The following DSCAM variants were observed in gnomAD, a reference collection of about 807,000 sequenced individuals.
DSCAM encodes the protein cell adhesion molecule DSCAM.
DSCAM carries 47 observed loss-of-function variants against 217.7 expected under a neutral mutation model. The ratio of observed to expected loss-of-function variants is 0.22; its 90% CI spans 0.17 to 0.28. The LOEUF is 0.28. Ranked by LOEUF, DSCAM falls within the 10% of genes least tolerant of loss-of-function variation. The probability of loss-of-function intolerance (pLI) is 1.00; values close to 1 mark genes in which losing one functional copy is unlikely to be tolerated. For synonymous variants in DSCAM, 1,056 were observed against 1,015.3 expected (o/e 1.04, Z -0.76); for missense variants, 2,080 against 2,618.3 (o/e 0.79, Z 4.49).
intron 3 of DSCAM, among the ~76,000 whole-genome samples, chr21:40,378,554 A>ATTTTTTTTTTT (rs71186931): frequency 1.3e-5 from 1 of 75,712 alleles, no homozygotes; most frequent in Non-Finnish European, 2.5e-5. Context: ...ATGAAAACTT[A>ATTTTTTTTTTT]TTTTTTTTTT....
chr21:40,602,472 G>C (rs1213618337), intron 3 of DSCAM, among the ~76,000 whole-genome samples: 1 of 152,022 alleles, frequency 6.6e-6, no homozygotes, highest in African/African-American at 2.4e-5. Context: ...TTTTTTGGAA[G>C]GTTATTAATT....
At chr21:40,208,506 G>A (rs1483649869) in intron 11 of DSCAM, among the ~76,000 whole-genome samples, 4 of 152,136 alleles carry the variant, frequency 2.6e-5, no homozygotes, top group Admixed American at 1.3e-4. Context: ...AAGGGTTTTC[G>A]GTTGAGCATG....
chr21:40,412,563 G>A (rs2075332853), intron 3 of DSCAM, among the ~76,000 whole-genome samples: 1 of 152,160 alleles, frequency 6.6e-6, no homozygotes, highest in African/African-American at 2.4e-5. Flanking sequence ...GTGGAACTTT[G>A]AACTTGACAG....
intron 30 of DSCAM, among the ~76,000 whole-genome samples, chr21:40,044,864 C>G (rs1048100914): frequency 6.6e-6 from 1 of 152,208 alleles, no homozygotes; most frequent in Non-Finnish European, 1.5e-5. Flanking sequence ...TTTCTACATC[C>G]TTAGGTGTTG....
intron 3 of DSCAM, among the ~76,000 whole-genome samples, chr21:40,410,994 GA>G (rs1417131716): frequency 6.6e-6 from 1 of 151,996 alleles, no homozygotes; most frequent in Non-Finnish European, 1.5e-5. Flanking sequence ...ATCTTTAAAA[GA>G]TAATTAACCA....
At position 40,524,917 on chromosome 21, in the gene DSCAM, G is replaced by A. The variant is rs181427941; in HGVS notation, c.509-155672C>T. On this transcript the variant is annotated intron_variant, in intron 3 of 32. Coordinates refer to ENST00000400454, the MANE Select transcript of DSCAM (RefSeq NM_001389.5). ...CCCAGCTACTCAGGAGACTGAGGCA[G>A]GAGAATTGCTTGAACCCGGGAGGTG... Among the ~76,000 whole-genome samples the A allele has an allele frequency of 1.6e-3, 244 of 150,282 alleles. 1 individual carries two copies. The highest frequency in any genetic ancestry group is 5.7e-3 in the African/African-American group (232 of 40,508).
chr21:40,833,678 A>G (rs1227539087), intron 1 of DSCAM, among the ~76,000 whole-genome samples: 1 of 152,228 alleles, frequency 6.6e-6, no homozygotes, highest in Admixed American at 6.5e-5. Flanking sequence ...AATGACAAGC[A>G]TCACCAGCTA....
At chr21:40,255,603 A>G (rs149448436) in intron 11 of DSCAM, among the ~76,000 whole-genome samples, 2 of 152,366 alleles carry the variant, frequency 1.3e-5, no homozygotes, top group African/African-American at 4.8e-5. Context: ...GGGACTTTAA[A>G]TGCAGAATAA....
In DSCAM at chr21:40,187,348, G is replaced by T. The variant is rs145944280; in HGVS notation, c.2651-89C>A. Reference sequence around the variant, plus strand: ...GAAATGCTGAGCGTGACTCACAAACGATTTGTCTGCATTAGACAAGAACAG... The same window carrying T: ...GAAATGCTGAGCGTGACTCACAAACTATTTGTCTGCATTAGACAAGAACAG... On this transcript the variant is annotated intron_variant, in intron 13 of 32. Coordinates refer to ENST00000400454, the MANE Select transcript of DSCAM (RefSeq NM_001389.5). 16 of 1,512,560 alleles carry T rather than the reference G, an allele frequency of 1.1e-5. No individual in the cohort carries two copies. The Admixed American group carries it at 1.4e-4, about 13-fold the overall frequency. 93.7% of individuals were successfully genotyped at this position (1,512,560 alleles called of 1,614,324 possible). A position where few individuals can be genotyped will look rare whatever the true frequency, so the allele number is the denominator to read the frequency against.
At chr21:40,677,673 C>G (rs1251692552) in intron 3 of DSCAM, among the ~76,000 whole-genome samples, 1 of 152,122 alleles carries the variant, frequency 6.6e-6, no homozygotes, top group Non-Finnish European at 1.5e-5. Flanking sequence ...CAATGTGATG[C>G]TATCGGGAGG....
At chr21:40,834,409 AAATAATAATAATAATAAAATAAT>A (rs1394517737) in intron 1 of DSCAM, among the ~76,000 whole-genome samples, 5 of 130,854 alleles carry the variant, frequency 3.8e-5, no homozygotes, top group Non-Finnish European at 7.9e-5. Context: ...TCTGTCTCCA[AAATAATAATAATAATAAAATAAT>A]AATAATAATA....
At chr21:40,195,885 A>G (rs757626675) in intron 11 of DSCAM, among the ~76,000 whole-genome samples, 24 of 152,248 alleles carry the variant, frequency 1.6e-4, no homozygotes, top group Admixed American at 2.0e-4. Flanking sequence ...CAGGAAGCCA[A>G]TCAGCCATGT....
chr21:40,143,378 A>G (rs1172629476), intron 17 of DSCAM, among the ~76,000 whole-genome samples: 1 of 152,254 alleles, frequency 6.6e-6, no homozygotes, highest in Non-Finnish European at 1.5e-5. Context: ...GGCATATTTA[A>G]CGACTATTGC....
At chr21:40,329,089 T>C (rs548522989) in intron 8 of DSCAM, among the ~76,000 whole-genome samples, 142 of 152,350 alleles carry the variant, frequency 9.3e-4, no homozygotes, top group Middle Eastern at 3.4e-3. Flanking sequence ...ATACTCACTA[T>C]AGAAAATAGT....
intron 1 of DSCAM, among the ~76,000 whole-genome samples, chr21:40,821,008 T>C (rs1032828323): frequency 6.7e-4 from 101 of 150,830 alleles, no homozygotes; most frequent in Middle Eastern, 3.4e-3. Context: ...TGAACTGTAG[T>C]TGGGGAGGGC....
intron 5 of DSCAM, among the ~76,000 whole-genome samples, chr21:40,348,219 C>A (rs2074583166): frequency 1.3e-5 from 2 of 152,220 alleles, no homozygotes; most frequent in African/African-American, 2.4e-5. Flanking sequence ...CCACACAGTT[C>A]CTATCAGCCA....
chr21:40,842,162 G>A (rs1174008451), intron 1 of DSCAM, among the ~76,000 whole-genome samples: 1 of 152,124 alleles, frequency 6.6e-6, no homozygotes, highest in Non-Finnish European at 1.5e-5. Flanking sequence ...GGACACAATC[G>A]GCCTGCAGGT....
Position 40,347,959 on chromosome 21 carries a change from TAA to T in DSCAM, c.935-16_935-15del. 6.2e-7 allele frequency: 1 copy of T among 1,601,972 alleles called. No individual in the cohort carries two copies. The highest frequency in any genetic ancestry group is 2.2e-5 in the East Asian group (1 of 44,660). The stretch of plus-strand genomic sequence containing the variant: ...CTTTCAGTGGCTCTGGAGGTTTTAG[TAA>T]GAGAGAGAGAAAAAAGATAAAAACA... On this transcript the variant is annotated splice_polypyrimidine_tract_variant and intron_variant, in intron 5 of 32. Transcript: ENST00000400454.
chr21:40,164,343 G>T (rs2090571316), intron 16 of DSCAM, among the ~76,000 whole-genome samples: 1 of 152,118 alleles, frequency 6.6e-6, no homozygotes, highest in Admixed American at 6.5e-5. Flanking sequence ...GTGGACTGCT[G>T]CTTGGGTAGG....
Sources: allele counts gnomAD v4.1 joint callset (sites outside exome capture counted in the v4.1 genomes callset), GRCh38; gene constraint gnomAD v4.1.1; transcripts MANE v1.5; gene names NCBI Gene and HGNC (gene_info 2026-07-23, HGNC 2026-07-21).